DSG1: variants seen among roughly 807,000 people sequenced by gnomAD.
DSG1 encodes the protein desmoglein 1.
In DSG1, 39 loss-of-function variants were observed where a neutral mutation model predicts 97.5. The observed-to-expected ratio is 0.40, with a 90% CI of 0.31 to 0.52. DSG1 has a LOEUF of 0.52. Ranked by LOEUF, DSG1 falls within the 20% of genes least tolerant of loss-of-function variation. The pLI is 0.53. For missense variants in DSG1, 1,311 were observed against 1,295.4 expected (o/e 1.01, Z -0.18); for synonymous variants, 475 against 443.4 (o/e 1.07, Z -0.90).
chr18:31,333,977 TCA>T lies in DSG1; in HGVS notation c.820-35_820-34del, dbSNP rs760708163. 9.3e-6 allele frequency: 13 copies of T among 1,392,314 alleles called. No individual in the cohort carries two copies. In the African/African-American group the frequency reaches 1.3e-4, roughly 14 times the overall value. 86.2% of individuals were successfully genotyped at this position (1,392,314 alleles called of 1,614,324 possible). On this transcript the variant is annotated intron_variant, in intron 7 of 14. Coordinates refer to ENST00000257192, the MANE Select transcript of DSG1 (RefSeq NM_001942.4). The stretch of plus-strand genomic sequence containing the variant: ...TAAGCCTACTGTAGTTCTCTCTCTT[TCA>T]CACAGTTTGTGCTAAGAGTTTTCAC...
At chr18:31,332,767 A>G (rs1051918199) in intron 6 of DSG1, among the ~76,000 whole-genome samples, 5 of 152,170 alleles carry the variant, frequency 3.3e-5, no homozygotes, top group Non-Finnish European at 7.4e-5. Flanking sequence ...AAATGTTACA[A>G]GTTTCTATGT....
rs2071935879 is a variant in DSG1, at chr18:31,354,613, C to T, written c.2417C>T (p.Thr806Ile). The T allele has an allele frequency of 9.3e-6, 15 of 1,614,048 alleles. No homozygotes were observed. Among genetic ancestry groups the T allele is most frequent in the Non-Finnish European group, 8.5e-6 (10 of 1,180,032 alleles). ...HPPISPHFGTTTVISESTYPS... is the reference protein window; with the variant it reads ...HPPISPHFGTITVISESTYPS... ...CCAATCTCCCCACATTTCGGCACTA[C>T]CACAGTAATTTCTGAGAGCACCTAT... Residue 806 changes from threonine to isoleucine, a missense_variant, in exon 15 of 15, where the codon ACC becomes ATC. By Grantham distance (89) the Thr-to-Ile change is moderately conservative. This residue lies in a region of DSG1 where 1,038 missense variants were observed against 964.6 expected (regional missense o/e 1.08). Coordinates refer to ENST00000257192, the MANE Select transcript of DSG1 (RefSeq NM_001942.4).
chr18:31,329,863 T>C (rs756716368), intron 4 of DSG1, 29 bp from the exon 5 acceptor site: 7 of 1,610,754 alleles, frequency 4.3e-6, no homozygotes, highest in East Asian at 2.2e-5. Context: ...TGTGTTTCAC[T>C]GTATAATTAT....
rs2071959219 is a variant in DSG1 at position 31,356,438 on chromosome 18, G to A, written c.*1092G>A. 6.6e-6 allele frequency: 1 copy of A among 151,518 alleles called. No individual in the cohort carries two copies. The highest frequency in any genetic ancestry group is 2.4e-5 in the African/African-American group (1 of 41,316). 9.4% of individuals were successfully genotyped at this position (151,518 alleles called of 1,614,324 possible). On this transcript the variant is annotated 3_prime_UTR_variant, in exon 15 of 15. Coordinates refer to ENST00000257192, the MANE Select transcript of DSG1 (RefSeq NM_001942.4). ...TAAGCTTTGGGGAATTTTTTTTTAAGGGGATCTAAAAAAATGTTTTTAGAA... is the reference window on the plus strand; with the variant it reads ...TAAGCTTTGGGGAATTTTTTTTTAAAGGGATCTAAAAAAATGTTTTTAGAA...
At chr18:31,324,439 C>T (rs1201174186) in intron 1 of DSG1, among the ~76,000 whole-genome samples, 2 of 152,142 alleles carry the variant, frequency 1.3e-5, no homozygotes, top group East Asian at 3.9e-4. Flanking sequence ...ACTATCCTGC[C>T]TGAGCAGATC....
intron 1 of DSG1, among the ~76,000 whole-genome samples, chr18:31,319,488 G>A (rs994047909): frequency 6.6e-6 from 1 of 152,136 alleles, no homozygotes; most frequent in Admixed American, 6.6e-5. Context: ...TTGGTTCCAA[G>A]CTTTCCTTCA....
In DSG1 at chr18:31,346,043, G is replaced by C; in HGVS notation, c.1945G>C (p.Glu649Gln). 2.5e-6 allele frequency: 4 copies of C among 1,613,952 alleles called. No homozygotes were observed. Among genetic ancestry groups the C allele is most frequent in the Non-Finnish European group, 3.4e-6 (4 of 1,179,880 alleles). Residue 649 changes from glutamate to glutamine, a missense_variant, in exon 14 of 15, where the codon GAG becomes CAG. By Grantham distance (29) the Glu-to-Gln change is conservative (BLOSUM62 2). Around this residue, in one of 3 missense-constraint regions of DSG1, gnomAD observed 1,038 missense variants for 964.6 expected, o/e 1.08. Coordinates refer to ENST00000257192, the MANE Select transcript of DSG1 (RefSeq NM_001942.4). ...AGAAATGCAAGATCTGGGAGGAGGAGAGAGAATGACAGGATTTGAACTAAC... is the reference window on the plus strand; with the variant it reads ...AGAAATGCAAGATCTGGGAGGAGGACAGAGAATGACAGGATTTGAACTAAC... Reference protein sequence around the residue: ...GREMQDLGGGERMTGFELTEG... With the variant: ...GREMQDLGGGQRMTGFELTEG...
intron 1 of DSG1, among the ~76,000 whole-genome samples, chr18:31,322,461 C>T (rs2071660313): frequency 6.6e-6 from 1 of 152,138 alleles, no homozygotes; most frequent in South Asian, 2.1e-4. Context: ...TATTTTCAGG[C>T]CTTTAAAAGT....
In DSG1 at chr18:31,331,690, T is replaced by C; in HGVS notation, c.518-11T>C. 1.2e-6 allele frequency: 2 copies of C among 1,611,642 alleles called. No individual in the cohort carries two copies. The highest frequency in any genetic ancestry group is 1.7e-6 in the Non-Finnish European group (2 of 1,178,450). On this transcript the variant is annotated splice_polypyrimidine_tract_variant and intron_variant, in intron 5 of 14. Coordinates refer to ENST00000257192, the MANE Select transcript of DSG1 (RefSeq NM_001942.4). ...ATCACCCATTTGCAATCAATTTTCC[T>C]TAATTTCTAGATACACTGGTGATGA...
Position 31,354,544 on chromosome 18 carries a change from T to C in DSG1, c.2348T>C (p.Val783Ala), listed in dbSNP as rs184553917. The part of the protein sequence containing the change: ...PSWPPQSTEP[V>A]CLPQETEPVV... Reference sequence around the variant, plus strand: ...TGGCCACCACAAAGCACTGAACCAGTTTGCCTTCCTCAGGAAACAGAGCCC... The same window carrying C: ...TGGCCACCACAAAGCACTGAACCAGCTTGCCTTCCTCAGGAAACAGAGCCC... Residue 783 changes from valine to alanine, a missense_variant, in exon 15 of 15, where the codon GTT becomes GCT. Physicochemically the swap from Val to Ala is moderately conservative, Grantham distance 64. Coordinates refer to ENST00000257192, the MANE Select transcript of DSG1 (RefSeq NM_001942.4). 1.9e-6 allele frequency: 3 copies of C among 1,614,120 alleles called. No individual in the cohort carries two copies. In the East Asian group the frequency reaches 6.7e-5, roughly 36 times the overall value.
chr18:31,323,812 A>G (rs1281166576), intron 1 of DSG1, among the ~76,000 whole-genome samples: 2 of 152,076 alleles, frequency 1.3e-5, no homozygotes, highest in Non-Finnish European at 2.9e-5. Flanking sequence ...TCAGAACCTC[A>G]GGATTTCCTC....
chr18:31,323,626 A>G (rs2071667122), intron 1 of DSG1, among the ~76,000 whole-genome samples: 1 of 152,062 alleles, frequency 6.6e-6, no homozygotes, highest in African/African-American at 2.4e-5. Context: ...AAAAATCCTT[A>G]GGTTACCCTC....
intron 10 of DSG1, among the ~76,000 whole-genome samples, chr18:31,339,209 A>T (rs2071773300): frequency 6.6e-6 from 1 of 152,160 alleles, no homozygotes; most frequent in African/African-American, 2.4e-5. Context: ...GGTCCATTTG[A>T]TATAAAATTA....
At position 31,354,412 on chromosome 18, in the gene DSG1, T is replaced by C. The variant is rs117656447; in HGVS notation, c.2216T>C (p.Ile739Thr). The change falls in exon 15 of 15, where the codon ATT (isoleucine) becomes ACT (threonine). Residue 739 changes from isoleucine (I) to threonine (T), a missense_variant. Coordinates refer to ENST00000257192, the MANE Select transcript of DSG1 (RefSeq NM_001942.4). ...GGCTCTGTGGGTTGTTGTAGCTTCA[T>C]TGGAGAAGACCTGGATGACAGCTTC... The part of the protein sequence containing the change: ...PAGSVGCCSF[I>T]GEDLDDSFLD... The C allele has an allele frequency of 1.0e-2, 16,104 of 1,614,200 alleles. 109 individuals are homozygous for C. Among genetic ancestry groups the C allele is most frequent in the Non-Finnish European group, 0.012 (14,310 of 1,180,018 alleles).
At chr18:31,325,675 A>T (rs930379123) in intron 1 of DSG1, among the ~76,000 whole-genome samples, 3 of 152,100 alleles carry the variant, frequency 2.0e-5, no homozygotes, top group African/African-American at 7.2e-5. Context: ...ATAATAGGTT[A>T]GTTTAAAATC....
At chr18:31,331,567 G>T in intron 5 of DSG1, 134 bp from the exon 6 acceptor site, 1 of 744,106 alleles carries the variant, frequency 1.3e-6, no homozygotes, top group Non-Finnish European at 2.3e-6. Context: ...TATGTTGAAG[G>T]AGTAGAAAGG....
chr18:31,347,375 A>G (rs2071848620), intron 14 of DSG1, among the ~76,000 whole-genome samples: 1 of 151,700 alleles, frequency 6.6e-6, no homozygotes, highest in African/African-American at 2.4e-5. Flanking sequence ...AGCACCCATC[A>G]CTTTCTTTTT....
At position 31,318,189 on chromosome 18, in the gene DSG1, C is replaced by A; in HGVS notation, c.-112C>A. The A allele has an allele frequency of 2.1e-6, 2 of 958,560 alleles. No homozygotes were observed. The highest frequency in any genetic ancestry group is 3.4e-6 in the Non-Finnish European group (2 of 586,042). 59.4% of individuals were successfully genotyped at this position (958,560 alleles called of 1,614,324 possible). On this transcript the variant is annotated 5_prime_UTR_variant, in exon 1 of 15. Coordinates refer to ENST00000257192, the MANE Select transcript of DSG1 (RefSeq NM_001942.4). ...ACACCTCAAAGCCTGCATGTAAGAA[C>A]ATCTACTGAGAAATTATTTTAATCA...
At chr18:31,322,752 T>A (rs1462650850) in intron 1 of DSG1, among the ~76,000 whole-genome samples, 2 of 152,210 alleles carry the variant, frequency 1.3e-5, no homozygotes, top group Non-Finnish European at 2.9e-5. Context: ...TATGTTAGAA[T>A]TCAACGCTTA....
Sources: gnomAD v4.1 joint callset for allele counts (sites outside exome capture counted in the v4.1 genomes callset) on GRCh38, gnomAD v4.1.1 for gene constraint, gnomAD v4.1.1 regional missense constraint, MANE v1.5 for transcripts, NCBI Gene and HGNC (gene_info 2026-07-23, HGNC 2026-07-21) for gene names.